Variants in CDK17 observed in about 807,000 individuals in gnomAD.
CDK17 encodes cyclin dependent kinase 17.
A neutral mutation model predicts 77.6 loss-of-function variants in CDK17; 24 were observed. The observed-to-expected ratio is 0.31, with a 90% CI of 0.22 to 0.44. The LOEUF is 0.44. CDK17 is among the 20% of genes least tolerant of loss of function. The probability of loss-of-function intolerance (pLI) is 1.00; values close to 1 mark genes in which losing one functional copy is unlikely to be tolerated. For synonymous variants in CDK17, 203 were observed against 210.4 expected, an observed-to-expected ratio of 0.96 and a Z score of 0.30; for missense variants, 429 against 622.5, an observed-to-expected ratio of 0.69 and a Z score of 3.31.
intron 1 of CDK17, among the ~76,000 whole-genome samples, chr12:96,364,123 T>C (rs1007316300): frequency 5.1e-4 from 77 of 152,354 alleles, no homozygotes; most frequent in African/African-American, 1.7e-3. Context: ...CCTAAGAGTA[T>C]TCCACCACTA....
At chr12:96,282,788 A>T (rs1015212297) in intron 14 of CDK17, among the ~76,000 whole-genome samples, 189 bp from the exon 15 acceptor site, 1 of 152,242 alleles carries the variant, frequency 6.6e-6, no homozygotes, top group African/African-American at 2.4e-5. Context: ...AGATTGTGTA[A>T]TAACATCTCA....
At position 96,379,131 on chromosome 12, in the gene CDK17, AC is replaced by A. The variant is rs200463144; in HGVS notation, c.-30+20854del. ...AGCTCAAACCTAGGGACAATTATGT[AC>A]CAAAAAAATCTAAATTTAGTAAAAT... On this transcript the variant is annotated intron_variant, in intron 1 of 16. Coordinates refer to ENST00000261211, the MANE Select transcript of CDK17 (RefSeq NM_002595.5). 3.7e-3 allele frequency among the ~76,000 whole-genome samples: 567 copies of A among 152,324 alleles called. 2 individuals carry two copies. The highest frequency in any genetic ancestry group is 0.013 in the African/African-American group (544 of 41,582).
chr12:96,380,416 G>A (rs770335585), intron 1 of CDK17, among the ~76,000 whole-genome samples: 2 of 151,710 alleles, frequency 1.3e-5, no homozygotes, highest in African/African-American at 2.4e-5. Flanking sequence ...GAGTAGCTGG[G>A]ATTACAGGCG....
chr12:96,372,011 TTGTG>T (rs992158332), intron 1 of CDK17, among the ~76,000 whole-genome samples: 14 of 9,166 alleles, frequency 1.5e-3, no homozygotes, highest in African/African-American at 2.2e-3. Flanking sequence ...GAGTGTGTGT[TTGTG>T]TGTGTGTGTG....
intron 5 of CDK17, among the ~76,000 whole-genome samples, chr12:96,303,929 CTGTA>C (rs1175199342): frequency 6.6e-6 from 1 of 152,166 alleles, no homozygotes; most frequent in Admixed American, 6.5e-5. Context: ...GCACTGAAAC[CTGTA>C]TGTACTAGGT....
At chr12:96,307,829 A>G (rs1565812864) in intron 5 of CDK17, among the ~76,000 whole-genome samples, 1 of 152,156 alleles carries the variant, frequency 6.6e-6, no homozygotes, top group Non-Finnish European at 1.5e-5. Flanking sequence ...AGATCGCGCC[A>G]TTGTACTCCT....
At chr12:96,314,823 T>C (rs566341900) in intron 3 of CDK17, among the ~76,000 whole-genome samples, 2 of 152,338 alleles carry the variant, frequency 1.3e-5, no homozygotes, top group East Asian at 3.8e-4. Flanking sequence ...AAGATGCCTT[T>C]TCCTATTTTA....
At chr12:96,391,301 T>C (rs990371011) in intron 1 of CDK17, among the ~76,000 whole-genome samples, 1 of 151,774 alleles carries the variant, frequency 6.6e-6, no homozygotes, top group Non-Finnish European at 1.5e-5. Context: ...TTTTTCTTTT[T>C]TTTTTTGAAA....
chr12:96,313,942 T>C (rs548041839), intron 3 of CDK17, among the ~76,000 whole-genome samples: 4 of 152,264 alleles, frequency 2.6e-5, no homozygotes, highest in African/African-American at 4.8e-5. Flanking sequence ...TTAAAACACC[T>C]CTTAAAAGCT....
At chr12:96,362,284 C>T (rs181800649) in intron 1 of CDK17, among the ~76,000 whole-genome samples, 2 of 151,994 alleles carry the variant, frequency 1.3e-5, no homozygotes, top group African/African-American at 2.4e-5. Flanking sequence ...AGTGGCCCCA[C>T]ATCGGCTCAC....
rs749684647 is a variant in CDK17 at position 96,334,702 on chromosome 12, CT to C, written c.118+16del. On this transcript the variant is annotated intron_variant, in intron 2 of 16. Coordinates refer to ENST00000261211, the MANE Select transcript of CDK17 (RefSeq NM_002595.5). The stretch of plus-strand genomic sequence containing the variant: ...AATTAAAAGGAGGAAGCATCTCCCC[CT>C]ATGCCAAATATTTACCATTATCCTT... 1.8e-5 allele frequency: 24 copies of C among 1,360,536 alleles called. No individual in the cohort carries two copies. Among genetic ancestry groups the C allele is most frequent in the Admixed American group, 3.4e-5 (2 of 58,456 alleles). 84.3% of individuals were successfully genotyped at this position (1,360,536 alleles called of 1,614,324 possible). A position where few individuals can be genotyped will look rare whatever the true frequency, so the allele number is the denominator to read the frequency against.
At chr12:96,300,901 T>G (rs1054192282) in intron 5 of CDK17, among the ~76,000 whole-genome samples, 5 of 150,308 alleles carry the variant, frequency 3.3e-5, no homozygotes, top group Non-Finnish European at 7.4e-5. Context: ...AACCTTTATA[T>G]ATACACAGTT....
chr12:96,389,260 C>A (rs1954026718), intron 1 of CDK17, among the ~76,000 whole-genome samples: 1 of 151,818 alleles, frequency 6.6e-6, no homozygotes, highest in South Asian at 2.1e-4. Flanking sequence ...CAGGCATGAG[C>A]CACCTTGCCC....
At chr12:96,395,688 T>A (rs1303275520) in intron 1 of CDK17, among the ~76,000 whole-genome samples, 2 of 152,218 alleles carry the variant, frequency 1.3e-5, no homozygotes, top group Non-Finnish European at 2.9e-5. Flanking sequence ...TGATGGCTAT[T>A]AGAGGTGGAC....
intron 7 of CDK17, among the ~76,000 whole-genome samples, chr12:96,297,932 A>T (rs1341008423): frequency 2.9e-5 from 4 of 136,538 alleles, no homozygotes; most frequent in South Asian, 2.3e-4. Context: ...AATGCTATTT[A>T]AAAAAAAAAA....
intron 1 of CDK17, among the ~76,000 whole-genome samples, chr12:96,399,689 C>T (rs1954227384): frequency 6.6e-6 from 1 of 152,192 alleles, no homozygotes; most frequent in South Asian, 2.1e-4. Context: ...GCAGCGAGCA[C>T]CGGAGGCGGC....
chr12:96,383,666 C>T (rs1953923722), intron 1 of CDK17, among the ~76,000 whole-genome samples: 1 of 152,098 alleles, frequency 6.6e-6, no homozygotes, highest in African/African-American at 2.4e-5. Context: ...CAAAAATAAA[C>T]AACGGGAGAA....
At chr12:96,399,761 GC>G (rs1954228843) in intron 1 of CDK17, among the ~76,000 whole-genome samples, 2 of 152,036 alleles carry the variant, frequency 1.3e-5, no homozygotes, top group Non-Finnish European at 2.9e-5. Flanking sequence ...CCCCACCCGA[GC>G]CCCGGAAATC....
Position 96,278,658 on chromosome 12 carries a change from TAGAA to T in CDK17, c.*1580_*1583del, listed in dbSNP as rs1471848807. The T allele has an allele frequency of 3.9e-5, 6 of 152,552 alleles. No homozygotes were observed. The highest frequency in any genetic ancestry group is 3.8e-4 in the East Asian group (2 of 5,196). 9.4% of individuals were successfully genotyped at this position (152,552 alleles called of 1,614,324 possible). ...ACAATATTAATACATGTCTGTCAGTTAGAAAGAACAGCAGTTTGTTAGGCTACAA... is the reference window on the plus strand; with the variant it reads ...ACAATATTAATACATGTCTGTCAGTTAGAACAGCAGTTTGTTAGGCTACAA... On this transcript the variant is annotated 3_prime_UTR_variant, in exon 17 of 17. Coordinates refer to ENST00000261211, the MANE Select transcript of CDK17 (RefSeq NM_002595.5).
Sources: gnomAD v4.1 joint callset for allele counts (sites outside exome capture counted in the v4.1 genomes callset) on GRCh38, gnomAD v4.1.1 for gene constraint, MANE v1.5 for transcripts, NCBI Gene and HGNC (gene_info 2026-07-23, HGNC 2026-07-21) for gene names.